The following SYTL2 variants were observed in gnomAD, a reference collection of about 807,000 sequenced individuals.
The protein encoded by SYTL2 is synaptotagmin-like protein 2.
In SYTL2, 165 loss-of-function variants were observed where a neutral mutation model predicts 198.7. The ratio of observed to expected loss-of-function variants is 0.83; its 90% CI spans 0.73 to 0.94. The LOEUF (loss-of-function observed/expected upper bound fraction) is 0.94, where lower values mean the gene tolerates loss of function less well. SYTL2 is among the 40% of genes least tolerant of loss of function. The probability of loss-of-function intolerance (pLI) is 0.00; values close to 1 mark genes in which losing one functional copy is unlikely to be tolerated. For missense variants in SYTL2, 2,835 were observed against 2,582.8 expected (o/e 1.10, Z -2.12); for synonymous variants, 966 against 917.7 (o/e 1.05, Z -0.95).
rs148469013 is a variant in SYTL2, at chr11:85,796,345, G to A, written c.-390+14609C>T. ...CTGACACACCATAGAAACTTAACACGATATATGCTCTGACCAACTCTTATT... is the reference window on the plus strand; with the variant it reads ...CTGACACACCATAGAAACTTAACACAATATATGCTCTGACCAACTCTTATT... On this transcript the variant is annotated intron_variant, in intron 1 of 19. Transcript: ENST00000359152. 2.2e-3 allele frequency among the ~76,000 whole-genome samples: 333 copies of A among 152,260 alleles called. 2 individuals are homozygous for A. Among genetic ancestry groups the A allele is most frequent in the African/African-American group, 7.8e-3 (322 of 41,536 alleles).
At chr11:85,848,832 C>G in the SYTL2 span, among the ~76,000 whole-genome samples, 1 of 152,044 alleles carries the variant, frequency 6.6e-6, no homozygotes, top group African/African-American at 2.4e-5. Flanking sequence ...CCTCTTATAT[C>G]TGAGAAAACA....
chr11:85,821,718 G>A, the SYTL2 span, among the ~76,000 whole-genome samples: 4 of 152,210 alleles, frequency 2.6e-5, no homozygotes, highest in Admixed American at 2.0e-4. Flanking sequence ...TGTTTTTTGA[G>A]ATTAAAGGAA....
chr11:85,752,917 TA>T (rs1162431708), intron 2 of SYTL2, among the ~76,000 whole-genome samples: 877 of 17,604 alleles, frequency 0.05, 2 homozygotes, highest in Non-Finnish European at 0.074. Flanking sequence ...CTGCCTTCAT[TA>T]AAAAAAAAAA....
chr11:85,745,050 C>G (rs775789873), intron 4 of SYTL2, among the ~76,000 whole-genome samples: 69 of 152,182 alleles, frequency 4.5e-4, no homozygotes, highest in Non-Finnish European at 2.1e-4. Flanking sequence ...TACTGAGTAT[C>G]TATCATGCCA....
chr11:85,778,258 A>G (rs113985838), intron 1 of SYTL2, among the ~76,000 whole-genome samples: 7 of 152,320 alleles, frequency 4.6e-5, no homozygotes, highest in African/African-American at 1.7e-4. Context: ...TGATAAGATT[A>G]AACAATCCTC....
At chr11:85,717,117 A>G (rs2153444386) in intron 11 of SYTL2, 1 of 162,150 alleles carries the variant, frequency 6.2e-6, no homozygotes, top group East Asian at 1.8e-4. Flanking sequence ...AGAGGCCACA[A>G]GAGATCCAAT....
At chr11:85,747,689 G>C (rs1357861253) in intron 3 of SYTL2, among the ~76,000 whole-genome samples, 3 of 152,198 alleles carry the variant, frequency 2.0e-5, no homozygotes, top group Non-Finnish European at 4.4e-5. Flanking sequence ...GGTCCACAGA[G>C]AGGGCTGGAG....
In SYTL2 at chr11:85,795,002, A is replaced by G. The variant is rs573138480; in HGVS notation, c.-390+15952T>C. 3.3e-5 allele frequency among the ~76,000 whole-genome samples: 5 copies of G among 152,052 alleles called. 1 individual carries two copies. Among genetic ancestry groups the G allele is most frequent in the South Asian group, 4.2e-4 (2 of 4,816 alleles). ...GCTGTACTTCGGTCTCCACATTTAC[A>G]TTTCAGAAGTATTGCCCACTGTGTG... On this transcript the variant is annotated intron_variant, in intron 1 of 19. Coordinates refer to ENST00000359152, the MANE Select transcript of SYTL2 (RefSeq NM_206927.4).
chr11:85,697,579 T>G (rs977863918), intron 18 of SYTL2, among the ~76,000 whole-genome samples: 7 of 152,232 alleles, frequency 4.6e-5, no homozygotes, highest in Non-Finnish European at 1.0e-4. Flanking sequence ...TCTCATACAA[T>G]GACCGTTTGC....
intron 12 of SYTL2, among the ~76,000 whole-genome samples, chr11:85,711,838 A>G (rs2086348077): frequency 6.6e-6 from 1 of 152,144 alleles, no homozygotes; most frequent in Non-Finnish European, 1.5e-5. Context: ...TTTTGTTCCT[A>G]GAGTTAAGTA....
chr11:85,805,478 G>A lies in SYTL2; in HGVS notation c.-390+5476C>T, dbSNP rs922552190. 5.3e-5 allele frequency among the ~76,000 whole-genome samples: 8 copies of A among 152,288 alleles called. No homozygotes were observed. The South Asian group carries it at 1.2e-3, about 24-fold the overall frequency. On this transcript the variant is annotated intron_variant, in intron 1 of 19. Coordinates refer to ENST00000359152, the MANE Select transcript of SYTL2 (RefSeq NM_206927.4). ...CTCCCAACACAGATCACTGGCAAAG[G>A]GAATGGGAATTGTCAGGCAATAGAT...
intron 1 of SYTL2, among the ~76,000 whole-genome samples, chr11:85,771,334 A>C (rs779122695): frequency 6.6e-6 from 1 of 152,068 alleles, no homozygotes; most frequent in Non-Finnish European, 1.5e-5. Context: ...ACTTGGCAAG[A>C]CTCCCTGTCT....
chr11:85,758,332 G>C (rs181266996), intron 1 of SYTL2, among the ~76,000 whole-genome samples: 11 of 152,324 alleles, frequency 7.2e-5, no homozygotes, highest in African/African-American at 2.6e-4. Context: ...ATGCCTGTCA[G>C]TGTTTAACGA....
intron 1 of SYTL2, among the ~76,000 whole-genome samples, chr11:85,773,754 G>C (rs1285756843): frequency 6.6e-6 from 1 of 152,008 alleles, no homozygotes; most frequent in African/African-American, 2.4e-5. Context: ...TTCAATAAAT[G>C]TTTTCTCTAT....
At chr11:85,706,555 A>C (rs2085179822) in intron 15 of SYTL2, among the ~76,000 whole-genome samples, 1 of 152,244 alleles carries the variant, frequency 6.6e-6, no homozygotes, top group African/African-American at 2.4e-5. Context: ...GTGTGGAAGA[A>C]TATTCCAGCC....
In SYTL2 at chr11:85,733,924, T is replaced by A; in HGVS notation, c.1390+15A>T. On this transcript the variant is annotated intron_variant, in intron 7 of 19. Coordinates refer to ENST00000359152, the MANE Select transcript of SYTL2 (RefSeq NM_206927.4). Reference sequence around the variant, plus strand: ...CCACCAAGTTTTTATAATCTAGTAGTGACAACTCTCTTACCAGCAGGGCTT... The same window carrying A: ...CCACCAAGTTTTTATAATCTAGTAGAGACAACTCTCTTACCAGCAGGGCTT... The A allele has an allele frequency of 1.2e-6, 2 of 1,610,960 alleles. No homozygotes were observed. Among genetic ancestry groups the A allele is most frequent in the Non-Finnish European group, 1.7e-6 (2 of 1,177,706 alleles).
chr11:85,758,672 AT>A (rs1472483673), intron 1 of SYTL2, among the ~76,000 whole-genome samples: 1 of 152,146 alleles, frequency 6.6e-6, no homozygotes, highest in Non-Finnish European at 1.5e-5. Context: ...GTCTACTTTC[AT>A]TTCTCAGGGG....
At chr11:85,772,109 G>T (rs2092367476) in intron 1 of SYTL2, among the ~76,000 whole-genome samples, 1 of 152,032 alleles carries the variant, frequency 6.6e-6, no homozygotes, top group Non-Finnish European at 1.5e-5. Context: ...TCGTCACACT[G>T]CCCAGGCTGG....
chr11:85,837,739 C>T, the SYTL2 span, among the ~76,000 whole-genome samples: 1 of 152,094 alleles, frequency 6.6e-6, no homozygotes, highest in African/African-American at 2.4e-5. Flanking sequence ...GACTAGTCCT[C>T]CCTCAGAATG....
Sources: gnomAD v4.1 joint callset for allele counts (sites outside exome capture counted in the v4.1 genomes callset) on GRCh38, gnomAD v4.1.1 for gene constraint, MANE v1.5 for transcripts, NCBI Gene and HGNC (gene_info 2026-07-23, HGNC 2026-07-21) for gene names.